The following RFX3 variants were observed in gnomAD, a reference collection of about 807,000 sequenced individuals.
RFX3 encodes transcription factor RFX3.
RFX3 carries 14 observed loss-of-function variants against 98.6 expected under a neutral mutation model. That is an observed-to-expected ratio of 0.14 (90% CI 0.09 to 0.22). The LOEUF is 0.22. Among genes scored for constraint, RFX3 ranks in the 10% least tolerant of loss-of-function variants. The pLI is 1.00. For synonymous variants in RFX3, 383 were observed against 328.4 expected (o/e 1.17, Z -1.80); for missense variants, 639 against 926.9 (o/e 0.69, Z 4.03).
intron 2 of RFX3, among the ~76,000 whole-genome samples, chr9:3,393,588 C>A (rs756407473): frequency 5.9e-5 from 9 of 151,800 alleles, no homozygotes; most frequent in Non-Finnish European, 2.9e-5. Context: ...CTGAATTGTT[C>A]TTTACTTGCT....
chr9:3,405,516 A>T (rs1034879724), intron 1 of RFX3, among the ~76,000 whole-genome samples: 1 of 152,178 alleles, frequency 6.6e-6, no homozygotes, highest in Non-Finnish European at 1.5e-5. Context: ...CTTTCTGCCA[A>T]TAACTGCTGT....
intron 1 of RFX3, among the ~76,000 whole-genome samples, chr9:3,405,973 G>C (rs896039741): frequency 2.7e-4 from 40 of 150,304 alleles, no homozygotes; most frequent in African/African-American, 9.1e-4. Context: ...GTTTTTTTTT[G>C]AGACAAGGTC....
At chr9:3,241,501 T>C (rs746862905) in intron 15 of RFX3, among the ~76,000 whole-genome samples, 9 of 152,094 alleles carry the variant, frequency 5.9e-5, no homozygotes, top group Non-Finnish European at 8.8e-5. Flanking sequence ...ACCGCAGCCC[T>C]GGGCTGCTGA....
Position 3,293,303 on chromosome 9 carries a change from G to T in RFX3, c.550-45C>A, listed in dbSNP as rs116522197. On this transcript the variant is annotated intron_variant, in intron 5 of 16. Coordinates refer to ENST00000617270, the MANE Select transcript of RFX3 (RefSeq NM_001282116.2). ...TAAACACAGACAAATCACATAATTT[G>T]CCAAAATTTCTACAAGACACTGCAA... 1,995 of 1,481,080 alleles carry T rather than the reference G, an allele frequency of 1.3e-3. 20 individuals are homozygous for T. The African/African-American group carries it at 0.025, about 18-fold the overall frequency. The allele number at this position is 1,481,080 out of a possible 1,614,324, so 91.7% of individuals were successfully genotyped here.
At position 3,287,304 on chromosome 9, in the gene RFX3, T is replaced by C. The variant is rs115546768; in HGVS notation, c.851+827A>G. ...ACCTATGCAGAGGCCTCCTTTCTCC[T>C]ACCTAATTCTGCATGCTCACTTGAA... On this transcript the variant is annotated intron_variant, in intron 7 of 16. Coordinates refer to ENST00000617270, the MANE Select transcript of RFX3 (RefSeq NM_001282116.2). Among the ~76,000 whole-genome samples, 476 of 152,054 alleles carry C rather than the reference T, an allele frequency of 3.1e-3. 5 individuals are homozygous for C. The highest frequency in any genetic ancestry group is 0.011 in the African/African-American group (454 of 41,546).
intron 2 of RFX3, among the ~76,000 whole-genome samples, chr9:3,353,798 A>C (rs1835431438): frequency 6.6e-6 from 1 of 152,100 alleles, no homozygotes; most frequent in Admixed American, 6.6e-5. Flanking sequence ...TAACAAAATT[A>C]GACATATAAA....
intron 1 of RFX3, chr9:3,453,641 C>A: frequency 6.7e-6 from 1 of 150,126 alleles, no homozygotes; most frequent in Non-Finnish European, 1.4e-5. Flanking sequence ...ACCCAGAAGG[C>A]AGAGGTTGCA....
chr9:3,266,236 T>C lies in RFX3; in HGVS notation c.1427A>G (p.Asn476Ser), dbSNP rs1354100452. 3.1e-6 allele frequency: 5 copies of C among 1,610,860 alleles called. No homozygotes were observed. The highest frequency in any genetic ancestry group is 2.2e-5 in the East Asian group (1 of 44,702). The part of the protein sequence containing the change: ...LEGWLSNAMN[N>S]IPQRMIQTKV... Reference sequence around the variant, plus strand: ...GGTTTGTATCATTCTCTGTGGAATATTGTTCATGGCATTGGAAAGCCAACC... The same window carrying C: ...GGTTTGTATCATTCTCTGTGGAATACTGTTCATGGCATTGGAAAGCCAACC... Residue 476 changes from asparagine to serine, a missense_variant, in exon 12 of 17, where the codon AAT becomes AGT. By Grantham distance (46) the Asn-to-Ser change is conservative (BLOSUM62 1). This residue lies in a region of RFX3 where 138 missense variants were observed against 308.9 expected (regional missense o/e 0.45). Coordinates refer to ENST00000617270, the MANE Select transcript of RFX3 (RefSeq NM_001282116.2).
At chr9:3,472,088 A>T (rs961225887) in intron 1 of RFX3, among the ~76,000 whole-genome samples, 3 of 152,218 alleles carry the variant, frequency 2.0e-5, no homozygotes, top group African/African-American at 7.2e-5. Context: ...CCAGAAAAAT[A>T]AAATATAATC....
intron 2 of RFX3, among the ~76,000 whole-genome samples, chr9:3,352,477 A>G (rs1369537265): frequency 6.6e-6 from 1 of 152,034 alleles, no homozygotes; most frequent in African/African-American, 2.4e-5. Flanking sequence ...TACATATTAA[A>G]ATCATATTAA....
intron 1 of RFX3, among the ~76,000 whole-genome samples, chr9:3,504,397 G>A (rs999906616): frequency 3.2e-5 from 4 of 126,160 alleles, no homozygotes; most frequent in African/African-American, 9.7e-5. Context: ...AGCATATATT[G>A]TATATAAAAT....
At chr9:3,498,176 G>T (rs1042755906) in intron 1 of RFX3, among the ~76,000 whole-genome samples, 2 of 151,984 alleles carry the variant, frequency 1.3e-5, no homozygotes, top group Admixed American at 6.6e-5. Context: ...ACACAAAGGA[G>T]AAATGTTAAC....
At chr9:3,451,910 T>C (rs1252863817) in intron 1 of RFX3, among the ~76,000 whole-genome samples, 1 of 152,082 alleles carries the variant, frequency 6.6e-6, no homozygotes, top group Non-Finnish European at 1.5e-5. Context: ...TAGAAACCCT[T>C]AGTCAATTTT....
intron 4 of RFX3, among the ~76,000 whole-genome samples, chr9:3,306,770 A>T (rs1200812093): frequency 6.6e-6 from 1 of 152,086 alleles, no homozygotes; most frequent in Non-Finnish European, 1.5e-5. Context: ...AAAAAAAAGA[A>T]AATTGACAAA....
chr9:3,388,662 A>G (rs1839972219), intron 2 of RFX3, among the ~76,000 whole-genome samples: 2 of 152,148 alleles, frequency 1.3e-5, no homozygotes, highest in African/African-American at 2.4e-5. Flanking sequence ...AAGGGGTTTC[A>G]AATATCCCAA....
intron 1 of RFX3, among the ~76,000 whole-genome samples, chr9:3,497,734 C>G (rs558365000): frequency 1.3e-5 from 2 of 151,912 alleles, no homozygotes; most frequent in South Asian, 4.1e-4. Context: ...TTACACTATA[C>G]CATTTACTTG....
chr9:3,522,782 T>C (rs1818850920), intron 1 of RFX3, among the ~76,000 whole-genome samples: 1 of 152,206 alleles, frequency 6.6e-6, no homozygotes, highest in Non-Finnish European at 1.5e-5. Flanking sequence ...CATTATCATT[T>C]AAACGACGCA....
At chr9:3,308,188 C>T (rs1417033660) in intron 4 of RFX3, among the ~76,000 whole-genome samples, 2 of 152,078 alleles carry the variant, frequency 1.3e-5, no homozygotes, top group African/African-American at 4.8e-5. Context: ...GATTATCTAA[C>T]GTTAGGATAC....
chr9:3,505,975 A>G (rs1414617828), intron 1 of RFX3, among the ~76,000 whole-genome samples: 1 of 151,698 alleles, frequency 6.6e-6, no homozygotes. Flanking sequence ...CTTGGCCCCT[A>G]CTTTATGTGC....
Sources: allele counts gnomAD v4.1 joint callset (sites outside exome capture counted in the v4.1 genomes callset), GRCh38; gene constraint gnomAD v4.1.1; regional missense constraint gnomAD v4.1.1; transcripts MANE v1.5; gene names NCBI Gene and HGNC (gene_info 2026-07-23, HGNC 2026-07-21).